Variants in CSNK1D observed in about 807,000 individuals in gnomAD.
The protein encoded by CSNK1D is casein kinase 1 delta.
Under a neutral mutation model 46.6 loss-of-function variants are expected in CSNK1D, and 16 were observed. The observed-to-expected ratio is 0.34, with a 90% CI of 0.23 to 0.52. The LOEUF (loss-of-function observed/expected upper bound fraction) is 0.52. Ranked by LOEUF, CSNK1D falls within the 20% of genes least tolerant of loss-of-function variation. CSNK1D has a pLI of 0.95. For missense variants in CSNK1D, 398 were observed against 578.4 expected, an observed-to-expected ratio of 0.69 and a Z score of 3.20; for synonymous variants, 276 against 228.2, an observed-to-expected ratio of 1.21 and a Z score of -1.89.
chr17:82,243,860 C>T lies in CSNK1D; in HGVS notation c.*921G>A, dbSNP rs377590027. 6.7e-5 allele frequency: 66 copies of T among 985,648 alleles called. No individual in the cohort carries two copies. In the East Asian group the frequency reaches 4.5e-3, roughly 68 times the overall value. 61.1% of individuals were successfully genotyped at this position (985,648 alleles called of 1,614,324 possible). On this transcript the variant is annotated 3_prime_UTR_variant, in exon 9 of 9. Coordinates refer to ENST00000314028, the MANE Select transcript of CSNK1D (RefSeq NM_001893.6). ...GGTTCACAGTCCTCTCCCAAGGGACCAGAAACGCATCTTCCACCTTGAATC... is the reference window on the plus strand; with the variant it reads ...GGTTCACAGTCCTCTCCCAAGGGACTAGAAACGCATCTTCCACCTTGAATC...
In CSNK1D at chr17:82,248,860, G is replaced by T; in HGVS notation, c.1197+15C>A. 6.2e-7 allele frequency: 1 copy of T among 1,606,898 alleles called. No individual in the cohort carries two copies. On this transcript the variant is annotated intron_variant, in intron 8 of 8. Transcript: ENST00000314028. The surrounding 1 kb of genome is among the most constrained non-coding windows in gnomAD (Gnocchi z 4.1). ...AGCCCGAGGCCCAGCGCCCGCCCGG[G>T]AGCTCTGCACCTACCTGTGAGGTGG...
chr17:82,262,390 G>C (rs1051015532), intron 2 of CSNK1D, among the ~76,000 whole-genome samples: 1 of 152,180 alleles, frequency 6.6e-6, no homozygotes, highest in Non-Finnish European at 1.5e-5. Flanking sequence ...AGTACCCACT[G>C]CCCAGGGCTG....
chr17:82,266,899 A>C (rs900577507), intron 1 of CSNK1D: 3 of 152,050 alleles, frequency 2.0e-5, no homozygotes, highest in Non-Finnish European at 4.4e-5. Flanking sequence ...TCTCTACTAA[A>C]AATACAAAAA....
intron 3 of CSNK1D, 40 bp from the exon 4 acceptor site, chr17:82,253,284 A>C: frequency 6.6e-7 from 1 of 1,508,418 alleles, no homozygotes; most frequent in Non-Finnish European, 9.2e-7. Context: ...ACCCCAGGGC[A>C]GTCTCAGGGA....
At chr17:82,257,153 C>G (rs2051194035) in intron 2 of CSNK1D, among the ~76,000 whole-genome samples, 1 of 152,028 alleles carries the variant, frequency 6.6e-6, no homozygotes, top group African/African-American at 2.4e-5. Flanking sequence ...TATCGCCTCT[C>G]CTCTGAAGGC....
In CSNK1D at chr17:82,252,323, G is replaced by T; in HGVS notation, c.736+111C>A. 3.9e-6 allele frequency: 5 copies of T among 1,268,640 alleles called. No individual in the cohort carries two copies. The highest frequency in any genetic ancestry group is 5.8e-6 in the Non-Finnish European group (5 of 868,250). The allele number at this position is 1,268,640 out of a possible 1,614,324, so 78.6% of individuals were successfully genotyped here. ...CCCGCTTTCCTGCCACCACCCCTTT[G>T]GAAGGTGAGCAACTCTTCTGACAAA... On this transcript the variant is annotated intron_variant, in intron 5 of 8. Transcript: ENST00000314028. This position sits in a 1 kb window ranked among gnomAD's most constrained non-coding sequence, Gnocchi z 4.6.
rs559391604 is a variant in CSNK1D at position 82,250,855 on chromosome 17, A to T, written c.885+524T>A. 9 of 176,146 alleles carry T rather than the reference A, an allele frequency of 5.1e-5. No homozygotes were observed. The highest frequency in any genetic ancestry group is 1.1e-4 in the Admixed American group (2 of 18,604). 10.9% of individuals were successfully genotyped at this position (176,146 alleles called of 1,614,324 possible). ...TTCTGACAGCGGTGTCTGAAAAGTA[A>T]TTCAGCTCAGACATGGACCCAGGGC... On this transcript the variant is annotated intron_variant, in intron 6 of 8. Coordinates refer to ENST00000314028, the MANE Select transcript of CSNK1D (RefSeq NM_001893.6). The surrounding 1 kb of genome is among the most constrained non-coding windows in gnomAD (Gnocchi z 4.6).
rs1161395833 is a variant in CSNK1D, at chr17:82,255,840, C to T, written c.188-263G>A. Among the ~76,000 whole-genome samples the T allele has an allele frequency of 3.3e-5, 5 of 152,170 alleles. No homozygotes were observed. Among genetic ancestry groups the T allele is most frequent in the Non-Finnish European group, 7.3e-5 (5 of 68,036 alleles). On this transcript the variant is annotated intron_variant, in intron 2 of 8. Transcript: ENST00000314028. This position sits in a 1 kb window ranked among gnomAD's most constrained non-coding sequence, Gnocchi z 5.9. ...GGGGGACAAGGAGGGGATCGAAGCC[C>T]CACCTCCCCGACTCCCGTCTTCTAG...
At chr17:82,271,803 G>C (rs970335014) in intron 1 of CSNK1D, among the ~76,000 whole-genome samples, 10 of 152,170 alleles carry the variant, frequency 6.6e-5, no homozygotes, top group Non-Finnish European at 4.4e-5. Flanking sequence ...GTCCACATGT[G>C]GCTTCATCTA....
chr17:82,253,471 G>C (rs2051066529), intron 3 of CSNK1D: 1 of 545,214 alleles, frequency 1.8e-6, no homozygotes, highest in Admixed American at 2.5e-5. Flanking sequence ...TTTGCCTTCA[G>C]CTCCCACAAA....
intron 1 of CSNK1D, among the ~76,000 whole-genome samples, chr17:82,271,456 C>A (rs753260135): frequency 2.6e-5 from 4 of 152,192 alleles, no homozygotes; most frequent in Non-Finnish European, 5.9e-5. Context: ...AAAACTTTCG[C>A]CAAAATCCAT....
intron 8 of CSNK1D, chr17:82,247,279 A>T: frequency 1.0e-6 from 1 of 985,400 alleles, no homozygotes; most frequent in African/African-American, 1.7e-5. Flanking sequence ...GACACTGCTC[A>T]CGGCCACCTT....
In CSNK1D at chr17:82,255,644, C is replaced by T. The variant is rs563266748; in HGVS notation, c.188-67G>A. ...GCCTCAGCTCCACACTAAGTCTGCA[C>T]TGTGCACACCAAGGGGTCATGGTGA... On this transcript the variant is annotated intron_variant, in intron 2 of 8. Transcript: ENST00000314028. The surrounding 1 kb of genome is among the most constrained non-coding windows in gnomAD (Gnocchi z 5.9). The T allele has an allele frequency of 1.3e-6, 2 of 1,585,942 alleles. No individual in the cohort carries two copies. The highest frequency in any genetic ancestry group is 2.2e-5 in the East Asian group (1 of 44,756).
chr17:82,246,358 T>C lies in CSNK1D; in HGVS notation c.1198-1527A>G, dbSNP rs1017458198. On this transcript the variant is annotated intron_variant, in intron 8 of 8. Transcript: ENST00000314028. ...GGCAGGTGCTGGGCAGCCCCACAAC[T>C]GGGTCTCAGGGCACAGCCTGAAGGC... 4 of 1,285,308 alleles carry C rather than the reference T, an allele frequency of 3.1e-6. No homozygotes were observed. The African/African-American group carries it at 6.1e-5, about 20-fold the overall frequency. The allele number at this position is 1,285,308 out of a possible 1,614,324, so 79.6% of individuals were successfully genotyped here. A position where few individuals can be genotyped will look rare whatever the true frequency, so the allele number is the denominator to read the frequency against.
rs895997166 is a variant in CSNK1D, at chr17:82,248,156, C to A, written c.1197+719G>T. ...GGTGAAACAGCCCTGCCCCACTAACCCTGCCCCTGTTGGCGAACAACCCAG... is the reference window on the plus strand; with the variant it reads ...GGTGAAACAGCCCTGCCCCACTAACACTGCCCCTGTTGGCGAACAACCCAG... On this transcript the variant is annotated intron_variant, in intron 8 of 8. Transcript: ENST00000314028. The surrounding 1 kb of genome is among the most constrained non-coding windows in gnomAD (Gnocchi z 4.1). 9 of 985,460 alleles carry A rather than the reference C, an allele frequency of 9.1e-6. No homozygotes were observed. The highest frequency in any genetic ancestry group is 8.7e-5 in the African/African-American group (5 of 57,262). The allele number at this position is 985,460 out of a possible 1,614,324, so 61.0% of individuals were successfully genotyped here. A position where few individuals can be genotyped will look rare whatever the true frequency, so the allele number is the denominator to read the frequency against.
chr17:82,250,285 T>A lies in CSNK1D; in HGVS notation c.886-683A>T. ...CACTTCTTCCTGCAAGTACAGCTCA[T>A]TGGACACAGCCACGTTCACCAGGCA... On this transcript the variant is annotated intron_variant, in intron 6 of 8. Transcript: ENST00000314028. The surrounding 1 kb of genome is among the most constrained non-coding windows in gnomAD (Gnocchi z 4.6). 9.3e-7 allele frequency: 1 copy of A among 1,078,394 alleles called. No individual in the cohort carries two copies. The highest frequency in any genetic ancestry group is 1.3e-6 in the Non-Finnish European group (1 of 798,180). 66.8% of individuals were successfully genotyped at this position (1,078,394 alleles called of 1,614,324 possible). A position where few individuals can be genotyped will look rare whatever the true frequency, so the allele number is the denominator to read the frequency against.
chr17:82,241,660 G>A (rs2050743288), downstream of CSNK1D, among the ~76,000 whole-genome samples: 1 of 152,126 alleles, frequency 6.6e-6, no homozygotes. Flanking sequence ...GCCACAGTGA[G>A]GCCCCACACG....
chr17:82,245,483 GGCGACT>G (rs1568552346), intron 8 of CSNK1D: 2 of 210,616 alleles, frequency 9.5e-6, no homozygotes, highest in African/African-American at 4.7e-5. Flanking sequence ...GGAAGAGAGA[GGCGACT>G]AGAAAAGCTG....
intron 1 of CSNK1D, among the ~76,000 whole-genome samples, chr17:82,266,388 A>G (rs751615693): frequency 2.0e-5 from 3 of 152,240 alleles, no homozygotes; most frequent in Non-Finnish European, 4.4e-5. Flanking sequence ...ACAAAGCCAG[A>G]AGAATCGCCT....
Sources: allele counts gnomAD v4.1 joint callset (sites outside exome capture counted in the v4.1 genomes callset), GRCh38; gene constraint gnomAD v4.1.1; non-coding constraint Gnocchi (gnomAD v3.1); transcripts MANE v1.5; gene names NCBI Gene and HGNC (gene_info 2026-07-23, HGNC 2026-07-21).